The following LARP4B variants were observed in gnomAD, a reference collection of about 807,000 sequenced individuals.
LARP4B encodes the protein La ribonucleoprotein 4B, also known as la-related protein 4B.
LARP4B carries 12 observed loss-of-function variants against 89.8 expected under a neutral mutation model. The ratio of observed to expected loss-of-function variants is 0.13; its 90% CI spans 0.09 to 0.22. The LOEUF is 0.22. Ranked by LOEUF, LARP4B falls within the 10% of genes least tolerant of loss-of-function variation. LARP4B has a pLI of 1.00. For synonymous variants in LARP4B, 367 were observed against 363.3 expected (o/e 1.01, Z -0.12); for missense variants, 757 against 947.7 (o/e 0.80, Z 2.64).
intron 1 of LARP4B, among the ~76,000 whole-genome samples, chr10:924,955 T>C (rs1382614267): frequency 6.6e-6 from 1 of 152,200 alleles, no homozygotes; most frequent in Non-Finnish European, 1.5e-5. Flanking sequence ...AAAATATAAA[T>C]CTTGATCTCA....
At chr10:936,791 A>C (rs1830753187), upstream of LARP4B, among the ~76,000 whole-genome samples, 1 of 152,136 alleles carries the variant, frequency 6.6e-6, no homozygotes, top group Non-Finnish European at 1.5e-5. Flanking sequence ...TTTGCTGTGG[A>C]GTATCTCCAG....
chr10:891,953 C>T (rs1358206412), intron 1 of LARP4B, among the ~76,000 whole-genome samples: 1 of 152,258 alleles, frequency 6.6e-6, no homozygotes, highest in Admixed American at 6.5e-5. Context: ...CAATAAATAA[C>T]AAATATTTTG....
intron 1 of LARP4B, among the ~76,000 whole-genome samples, chr10:888,190 C>G (rs1487482199): frequency 6.6e-6 from 1 of 151,956 alleles, no homozygotes; most frequent in African/African-American, 2.4e-5. Flanking sequence ...CCTGGTGGCA[C>G]ATGCCTGGAG....
At chr10:971,768 G>A in the LARP4B span, 2 of 152,420 alleles carry the variant, frequency 1.3e-5, no homozygotes, top group South Asian at 4.1e-4. Flanking sequence ...TCTATTTGCT[G>A]AGGGCGCTTC....
At chr10:845,308 C>CT (rs2131742770) in intron 5 of LARP4B, among the ~76,000 whole-genome samples, 1 of 152,268 alleles carries the variant, frequency 6.6e-6, no homozygotes, top group South Asian at 2.1e-4. Flanking sequence ...TCAGCAGGGG[C>CT]TTTTTCTACC....
chr10:815,392 A>G (rs1251340280), intron 15 of LARP4B: 1 of 196,334 alleles, frequency 5.1e-6, no homozygotes, highest in Admixed American at 5.7e-5. Flanking sequence ...CTTTGGGCCC[A>G]GCACGGCACG....
chr10:904,532 G>C (rs1836435424), intron 1 of LARP4B, among the ~76,000 whole-genome samples: 1 of 151,700 alleles, frequency 6.6e-6, no homozygotes, highest in Admixed American at 6.6e-5. Context: ...CTGCACTCCA[G>C]CCTGGGCAAC....
At chr10:824,620 C>T (rs1455171160) in intron 13 of LARP4B, among the ~76,000 whole-genome samples, 1 of 152,228 alleles carries the variant, frequency 6.6e-6, no homozygotes, top group Admixed American at 6.5e-5. Flanking sequence ...TAGTCTCAAC[C>T]CTCCAATGAG....
Position 829,694 on chromosome 10 carries a change from C to T in LARP4B, c.902G>A (p.Gly301Glu), listed in dbSNP as rs1832798346. The T allele has an allele frequency of 1.9e-6, 3 of 1,612,620 alleles. No individual in the cohort carries two copies. Among genetic ancestry groups the T allele is most frequent in the Non-Finnish European group, 2.5e-6 (3 of 1,178,836 alleles). ...GGTCTTGCTTACCTTAATTGGTTTT[C>T]CTTGAAAAGTTTTGACTTCTTCTCG... is the stretch of plus-strand genomic sequence containing the variant. The part of the protein sequence containing the change: ...YLREEVKTFQ[G>E]KPIKARIKAK... Residue 301 changes from glycine to glutamate, a missense_variant, in exon 10 of 18, where the codon GGA becomes GAA. Around this residue, in one of 5 missense-constraint regions of LARP4B, gnomAD observed 137 missense variants for 213.9 expected, o/e 0.64. Transcript: ENST00000316157.
chr10:832,031 ATTTT>A (rs1257813362), intron 8 of LARP4B, among the ~76,000 whole-genome samples: 1 of 152,026 alleles, frequency 6.6e-6, no homozygotes, highest in Non-Finnish European at 1.5e-5. Flanking sequence ...GATTGTTTTT[ATTTT>A]TTATTTTTTT....
chr10:940,206 G>A, the LARP4B span, among the ~76,000 whole-genome samples: 14 of 152,192 alleles, frequency 9.2e-5, no homozygotes, highest in African/African-American at 3.1e-4. Flanking sequence ...TAGTAGGGAC[G>A]GGGTTTCTCC....
At chr10:987,315 A>G in the LARP4B span, 1 of 152,390 alleles carries the variant, frequency 6.6e-6, no homozygotes, top group African/African-American at 2.4e-5. Flanking sequence ...AATGATTTTC[A>G]ATATTGGAAT....
chr10:848,803 G>C (rs1334774232), intron 5 of LARP4B, among the ~76,000 whole-genome samples: 1 of 151,568 alleles, frequency 6.6e-6, no homozygotes, highest in African/African-American at 2.4e-5. Context: ...CCCTGGTATA[G>C]TCAGCCCTCA....
chr10:979,638 A>G, the LARP4B span, among the ~76,000 whole-genome samples: 3 of 152,102 alleles, frequency 2.0e-5, no homozygotes, highest in African/African-American at 7.2e-5. Flanking sequence ...GTCCTTTGTC[A>G]TCCTTTGTTG....
the LARP4B span, among the ~76,000 whole-genome samples, chr10:967,624 C>T: frequency 8.9e-3 from 1,357 of 152,312 alleles, 17 homozygotes; most frequent in South Asian, 0.041. Flanking sequence ...GGAGGCTCAG[C>T]CCTTGCTGCG....
intron 1 of LARP4B, among the ~76,000 whole-genome samples, chr10:890,709 TTTATTA>T (rs551063620): frequency 3.9e-4 from 60 of 151,980 alleles, no homozygotes; most frequent in African/African-American, 1.3e-3. Flanking sequence ...TTTGGACTTT[TTTATTA>T]TTATTATTAT....
the LARP4B span, chr10:972,954 C>A: frequency 2.2e-6 from 1 of 445,992 alleles, no homozygotes. Flanking sequence ...TGAAACCATG[C>A]TCAGTTCCTC....
At chr10:948,332 C>T in the LARP4B span, among the ~76,000 whole-genome samples, 90 of 152,312 alleles carry the variant, frequency 5.9e-4, 1 homozygote, top group Middle Eastern at 0.01. Context: ...CTGCAACCTC[C>T]GCCTCAAAGG....
At chr10:945,720 T>C in the LARP4B span, among the ~76,000 whole-genome samples, 11 of 151,836 alleles carry the variant, frequency 7.2e-5, no homozygotes, top group African/African-American at 1.7e-4. Context: ...TTAGCATTAC[T>C]ATGTGTTAGG....
Sources: allele counts gnomAD v4.1 joint callset (sites outside exome capture counted in the v4.1 genomes callset), GRCh38; gene constraint gnomAD v4.1.1; regional missense constraint gnomAD v4.1.1; transcripts MANE v1.5; gene names NCBI Gene and HGNC (gene_info 2026-07-23, HGNC 2026-07-21).